The following ALDH3B2 variants were observed in gnomAD, a reference collection of about 807,000 sequenced individuals.
ALDH3B2 encodes aldehyde dehydrogenase family 3 member B2.
ALDH3B2 carries 45 observed loss-of-function variants against 36.7 expected under a neutral mutation model. That is an observed-to-expected ratio of 1.23 (90% CI 0.97 to 1.57). ALDH3B2 has a LOEUF of 1.57. Ranked by LOEUF, ALDH3B2 falls within the 40% of genes most tolerant of loss-of-function variation. The probability of loss-of-function intolerance (pLI) is 0.00; values close to 1 mark genes in which losing one functional copy is unlikely to be tolerated. For synonymous variants in ALDH3B2, 217 were observed against 226.5 expected (o/e 0.96, Z 0.38); for missense variants, 464 against 513.3 (o/e 0.90, Z 0.93).
upstream of ALDH3B2, among the ~76,000 whole-genome samples, chr11:67,677,992 C>A (rs1419144581): frequency 6.6e-6 from 1 of 152,128 alleles, no homozygotes; most frequent in Non-Finnish European, 1.5e-5. Flanking sequence ...GAAACACATC[C>A]CATGCTCATG....
chr11:67,671,818 C>T (rs1856122421), intron 1 of ALDH3B2, among the ~76,000 whole-genome samples: 1 of 151,242 alleles, frequency 6.6e-6, no homozygotes, highest in South Asian at 2.1e-4. Flanking sequence ...GCTGGGATTA[C>T]AGGCATGAGC....
chr11:67,665,852 G>A (rs1237444712), intron 6 of ALDH3B2, among the ~76,000 whole-genome samples, 181 bp from the exon 7 acceptor site: 1 of 152,110 alleles, frequency 6.6e-6, no homozygotes, highest in African/African-American at 2.4e-5. Context: ...ACTCTTGCCC[G>A]CTTTCTTCAT....
chr11:67,665,330 G>A (rs144739802), exon 7 of ALDH3B2: 680 of 1,611,506 alleles, frequency 4.2e-4, no homozygotes, highest in Middle Eastern at 6.6e-4. Context: ...ATGGCCACGC[G>A]GCTGCAGCCC....
chr11:67,670,820 G>A (rs1221165432), intron 1 of ALDH3B2, among the ~76,000 whole-genome samples: 1 of 152,196 alleles, frequency 6.6e-6, no homozygotes, highest in Non-Finnish European at 1.5e-5. Flanking sequence ...CCCTGCATGA[G>A]GGCCTGGAGG....
chr11:67,672,450 G>A (rs1856154895), intron 1 of ALDH3B2, among the ~76,000 whole-genome samples: 1 of 151,874 alleles, frequency 6.6e-6, no homozygotes, highest in Non-Finnish European at 1.5e-5. Context: ...ACCGTGCCTG[G>A]CCTTCTTACA....
chr11:67,664,589 C>T (rs558617189), intron 7 of ALDH3B2, 27 bp from the exon 8 acceptor site: 2 of 1,610,590 alleles, frequency 1.2e-6, no homozygotes, highest in Admixed American at 1.7e-5. Context: ...CGGCTCAGCC[C>T]TGGGGCCACA....
At chr11:67,671,781 G>A (rs942900933) in intron 1 of ALDH3B2, among the ~76,000 whole-genome samples, 4 of 150,986 alleles carry the variant, frequency 2.6e-5, no homozygotes, top group African/African-American at 7.3e-5. Context: ...GACCGCAGGT[G>A]ATCCGCCCAC....
chr11:67,663,505 G>A, intron 9 of ALDH3B2, 106 bp from the exon 10 acceptor site: 2 of 1,440,786 alleles, frequency 1.4e-6, no homozygotes, highest in Non-Finnish European at 1.9e-6. Flanking sequence ...AGCTCAGAGA[G>A]AGCCAGGCCA....
At chr11:67,671,857 A>G (rs1856123907) in intron 1 of ALDH3B2, among the ~76,000 whole-genome samples, 1 of 146,780 alleles carries the variant, frequency 6.8e-6, no homozygotes, top group Non-Finnish European at 1.5e-5. Flanking sequence ...CTCTCATTTT[A>G]TTCACAGCCA....
chr11:67,673,801 T>C (rs1856199832), intron 1 of ALDH3B2: 1 of 152,164 alleles, frequency 6.6e-6, no homozygotes, highest in African/African-American at 2.4e-5. Context: ...ACAGCCTCAG[T>C]GCGAGGAGGG....
chr11:67,666,287 G>A (rs1551887), intron 5 of ALDH3B2, 29 bp downstream of exon 5: 1,290,279 of 1,610,832 alleles, frequency 0.8, 522,649 homozygotes, highest in South Asian at 0.9. Flanking sequence ...TGGGGACGTC[G>A]GGCACTGCTG....
chr11:67,673,788 CT>C, intron 1 of ALDH3B2: 1 of 152,358 alleles, frequency 6.6e-6, no homozygotes, highest in East Asian at 1.9e-4. Flanking sequence ...ATTTGCCCTC[CT>C]CACAGCCTCA....
At position 67,667,022 on chromosome 11, in the gene ALDH3B2, G is replaced by A. The variant is rs180815086; in HGVS notation, c.-81-6C>T. On this transcript the variant is annotated splice_region_variant and splice_polypyrimidine_tract_variant and intron_variant, in intron 2 of 9. Coordinates refer to ENST00000349015, the Ensembl canonical transcript of ALDH3B2. ...ATGTCTGCCTCGAAAGCTGGCTGTG[G>A]TGGAGGTGGAATTCAGAGTGGTCAG... 1.4e-3 allele frequency: 2,257 copies of A among 1,559,176 alleles called. 31 individuals carry two copies. The African/African-American group carries it at 0.025, about 17-fold the overall frequency.
At chr11:67,680,617 A>T (rs565568986) in intron 1 of ALDH3B2, among the ~76,000 whole-genome samples, 1 of 152,184 alleles carries the variant, frequency 6.6e-6, no homozygotes, top group South Asian at 2.1e-4. Flanking sequence ...GGGTTTTGCC[A>T]TGTTGCCAAG....
chr11:67,664,123 T>G, intron 8 of ALDH3B2: 1 of 585,050 alleles, frequency 1.7e-6, no homozygotes, highest in Non-Finnish European at 3.0e-6. Context: ...ATTCCGGGCC[T>G]CTGCTTGCCT....
At chr11:67,671,528 G>A (rs938851328) in intron 1 of ALDH3B2, among the ~76,000 whole-genome samples, 4 of 141,890 alleles carry the variant, frequency 2.8e-5, no homozygotes, top group Non-Finnish European at 6.0e-5. Context: ...AACTGATCAG[G>A]GCCAACCTGC....
intron 1 of ALDH3B2, among the ~76,000 whole-genome samples, chr11:67,669,230 CTGTG>C (rs139502073): frequency 7.1e-6 from 1 of 140,582 alleles, no homozygotes; most frequent in Non-Finnish European, 1.6e-5. Flanking sequence ...GTATGGGTGT[CTGTG>C]TGTGTGTGTC....
exon 10 of ALDH3B2, chr11:67,663,029 GT>G (rs1348489819): frequency 2.7e-6 from 2 of 738,592 alleles, no homozygotes; most frequent in African/African-American, 3.5e-5. Context: ...CTCGAGCAGC[GT>G]CCCCCAGATA....
At chr11:67,676,070 AC>A (rs1164127943), upstream of ALDH3B2, among the ~76,000 whole-genome samples, 2 of 152,094 alleles carry the variant, frequency 1.3e-5, no homozygotes, top group African/African-American at 4.8e-5. Flanking sequence ...ACATGGTGAA[AC>A]CCTGTCTCTA....
Sources: gnomAD v4.1 joint callset for allele counts (sites outside exome capture counted in the v4.1 genomes callset) on GRCh38, gnomAD v4.1.1 for gene constraint, MANE v1.5 for transcripts, NCBI Gene and HGNC (gene_info 2026-07-23, HGNC 2026-07-21) for gene names.